CA10: variants seen among roughly 807,000 people sequenced by gnomAD.
The protein encoded by CA10 is carbonic anhydrase 10 (inactive), also known as carbonic anhydrase-related protein 10.
A neutral mutation model predicts 44.2 loss-of-function variants in CA10; 14 were observed. That is an observed-to-expected ratio of 0.32 (90% CI 0.21 to 0.50). The LOEUF (loss-of-function observed/expected upper bound fraction) is 0.50, where lower values mean the gene tolerates loss of function less well. CA10 is among the 20% of genes least tolerant of loss of function. The pLI is 0.99. For synonymous variants in CA10, 159 were observed against 141.6 expected (o/e 1.12, Z -0.87); for missense variants, 350 against 409.7 (o/e 0.85, Z 1.26).
intron 2 of CA10, among the ~76,000 whole-genome samples, chr17:52,029,397 C>A (rs1317885564): frequency 2.0e-5 from 3 of 152,128 alleles, no homozygotes; most frequent in Non-Finnish European, 4.4e-5. Context: ...CTAGAGCAAA[C>A]ACACTGATTT....
intron 4 of CA10, among the ~76,000 whole-genome samples, chr17:51,744,604 C>T (rs913446164): frequency 6.6e-6 from 1 of 152,000 alleles, no homozygotes; most frequent in African/African-American, 2.4e-5. Flanking sequence ...CAGAGTAAGA[C>T]CCTTTCTCTC....
chr17:51,670,635 A>C (rs1914382573), intron 4 of CA10, among the ~76,000 whole-genome samples: 1 of 152,116 alleles, frequency 6.6e-6, no homozygotes, highest in South Asian at 2.1e-4. Context: ...TGTAGCATCC[A>C]TACTTCCCCA....
At chr17:51,642,500 C>G (rs1178104461) in intron 6 of CA10, among the ~76,000 whole-genome samples, 1 of 152,126 alleles carries the variant, frequency 6.6e-6, no homozygotes, top group African/African-American at 2.4e-5. Flanking sequence ...AAGTTATAAA[C>G]AGGTAAGACT....
chr17:51,769,385 A>G (rs1005651150), intron 3 of CA10, among the ~76,000 whole-genome samples: 2 of 152,210 alleles, frequency 1.3e-5, no homozygotes, highest in Admixed American at 6.5e-5. Context: ...AGGAGTAAAT[A>G]CACAATTCTG....
chr17:52,066,391 C>G (rs867844840), intron 2 of CA10, among the ~76,000 whole-genome samples: 3 of 152,268 alleles, frequency 2.0e-5, no homozygotes, highest in Non-Finnish European at 4.4e-5. Context: ...GGCTGGGTCC[C>G]CACCCAAATC....
chr17:51,838,057 ACT>A (rs1387138735), intron 3 of CA10, among the ~76,000 whole-genome samples: 1 of 151,992 alleles, frequency 6.6e-6, no homozygotes, highest in African/African-American at 2.4e-5. Flanking sequence ...CTTGTTTAAA[ACT>A]CTTATGAAGT....
chr17:52,018,191 A>G (rs150716677), intron 2 of CA10, among the ~76,000 whole-genome samples: 235 of 152,212 alleles, frequency 1.5e-3, no homozygotes, highest in African/African-American at 5.3e-3. Flanking sequence ...GTGGGGTTGG[A>G]GCCCCCATAC....
At chr17:52,082,595 G>A (rs1988011998) in intron 1 of CA10, among the ~76,000 whole-genome samples, 1 of 152,080 alleles carries the variant, frequency 6.6e-6, no homozygotes, top group Admixed American at 6.5e-5. Flanking sequence ...AGCACAGTGA[G>A]CCAAAATCAC....
intron 2 of CA10, among the ~76,000 whole-genome samples, chr17:51,983,416 A>G (rs1373802239): frequency 6.6e-6 from 1 of 151,892 alleles, no homozygotes; most frequent in Non-Finnish European, 1.5e-5. Context: ...TGCAATATCA[A>G]AAGTACATTG....
At chr17:51,816,378 G>A (rs959630942) in intron 3 of CA10, among the ~76,000 whole-genome samples, 1 of 152,118 alleles carries the variant, frequency 6.6e-6, no homozygotes, top group African/African-American at 2.4e-5. Context: ...AATAGATATG[G>A]GAGTCCAGAT....
At chr17:51,937,825 C>T (rs374714785) in intron 2 of CA10, among the ~76,000 whole-genome samples, 21 of 152,266 alleles carry the variant, frequency 1.4e-4, no homozygotes, top group African/African-American at 3.8e-4. Context: ...TGGCCCTTTT[C>T]TCAAGTGCTA....
chr17:52,140,520 C>T (rs1225792755), intron 1 of CA10, among the ~76,000 whole-genome samples: 1 of 152,022 alleles, frequency 6.6e-6, no homozygotes, highest in Non-Finnish European at 1.5e-5. Flanking sequence ...ATATTATTTC[C>T]TCTTTTGATT....
intron 4 of CA10, among the ~76,000 whole-genome samples, chr17:51,742,113 C>A (rs1343165956): frequency 6.6e-6 from 1 of 152,290 alleles, no homozygotes; most frequent in African/African-American, 2.4e-5. Context: ...CAAAAGGAGG[C>A]AGCACCTTCC....
chr17:51,981,573 T>C (rs1984655067), intron 2 of CA10, among the ~76,000 whole-genome samples: 1 of 152,030 alleles, frequency 6.6e-6, no homozygotes, highest in Admixed American at 6.6e-5. Flanking sequence ...GAAAGTGTTA[T>C]ATCTTGGTGG....
intron 2 of CA10, among the ~76,000 whole-genome samples, chr17:52,032,533 C>T (rs1043487209): frequency 4.6e-5 from 7 of 152,132 alleles, no homozygotes; most frequent in Admixed American, 1.3e-4. Flanking sequence ...TGGTACCTTC[C>T]TCTTGGCCGG....
chr17:51,993,551 T>C (rs1985119366), intron 2 of CA10, among the ~76,000 whole-genome samples: 2 of 152,096 alleles, frequency 1.3e-5, no homozygotes, highest in Admixed American at 1.3e-4. Flanking sequence ...CCTCAGGTGT[T>C]CTAAGGGCAT....
At chr17:51,717,002 C>A (rs1916134487) in intron 4 of CA10, among the ~76,000 whole-genome samples, 1 of 152,120 alleles carries the variant, frequency 6.6e-6, no homozygotes, top group Non-Finnish European at 1.5e-5. Flanking sequence ...AGGTTGCTGC[C>A]ATCTTTGGAA....
At chr17:52,066,348 A>T (rs1363462240) in intron 2 of CA10, among the ~76,000 whole-genome samples, 1 of 152,226 alleles carries the variant, frequency 6.6e-6, no homozygotes, top group Non-Finnish European at 1.5e-5. Context: ...GAAATACAGC[A>T]GGCTAAGGTG....
chr17:51,825,166 G>C (rs560742462), intron 3 of CA10, among the ~76,000 whole-genome samples: 1 of 152,306 alleles, frequency 6.6e-6, no homozygotes, highest in East Asian at 1.9e-4. Context: ...TCAGAGCCTC[G>C]CTGCATTTTC....
Sources: allele counts gnomAD v4.1 joint callset (sites outside exome capture counted in the v4.1 genomes callset), GRCh38; gene constraint gnomAD v4.1.1; transcripts MANE v1.5; gene names NCBI Gene and HGNC (gene_info 2026-07-23, HGNC 2026-07-21).